Variants in ZNF771 observed in about 807,000 individuals in gnomAD.
The protein encoded by ZNF771 is zinc finger protein 771, also known as mesenchymal stem cell protein DSC43.
ZNF771 carries 10 observed loss-of-function variants against 27.6 expected under a neutral mutation model. The observed-to-expected ratio is 0.36, with a 90% CI of 0.22 to 0.61. The LOEUF is 0.61. Ranked by LOEUF, ZNF771 falls within the 20% of genes least tolerant of loss-of-function variation. The pLI is 0.70. For synonymous variants in ZNF771, 261 were observed against 225.2 expected (o/e 1.16, Z -1.43); for missense variants, 438 against 503.7 (o/e 0.87, Z 1.25).
Position 30,417,665 on chromosome 16 carries a change from G to A in ZNF771, c.252G>A (p.Thr84=). ...CCACGCTGGCGAAGCACGCGCGCAC[G>A]CACACGGGCGAACGGCCCTTCGGGT... ...RRSTLAKHAR[T]HTGERPFGCT... Residue 84 remains threonine (T), a synonymous_variant, in exon 3 of 3, where the codon ACG becomes ACA. Coordinates refer to ENST00000319296, the MANE Select transcript of ZNF771 (RefSeq NM_001142305.2). 2 of 1,379,708 alleles carry A rather than the reference G, an allele frequency of 1.4e-6. No individual in the cohort carries two copies. The highest frequency in any genetic ancestry group is 1.5e-5 in the African/African-American group (1 of 65,790). The allele number at this position is 1,379,708 out of a possible 1,614,324, so 85.5% of individuals were successfully genotyped here.
chr16:30,415,635 C>A (rs1567441562), intron 2 of ZNF771, among the ~76,000 whole-genome samples: 1 of 152,154 alleles, frequency 6.6e-6, no homozygotes, highest in Non-Finnish European at 1.5e-5. Flanking sequence ...CCTGCCTCGG[C>A]CTCCCAAAGT....
intron 2 of ZNF771, among the ~76,000 whole-genome samples, chr16:30,408,870 A>C (rs546647343): frequency 2.6e-5 from 4 of 152,266 alleles, no homozygotes; most frequent in African/African-American, 4.8e-5. Context: ...GCTGTAGTGC[A>C]GTACAGCTCA....
chr16:30,417,358 G>A (rs1350378181), intron 2 of ZNF771, among the ~76,000 whole-genome samples, 197 bp from the exon 3 acceptor site: 1 of 152,228 alleles, frequency 6.6e-6, no homozygotes, highest in Non-Finnish European at 1.5e-5. Flanking sequence ...TAGCTAGAAC[G>A]CCACTGGGCT....
chr16:30,409,715 A>G (rs1350803515), intron 2 of ZNF771, among the ~76,000 whole-genome samples: 4 of 152,108 alleles, frequency 2.6e-5, no homozygotes. Flanking sequence ...TCTAATAACT[A>G]TCTGGTTGTG....
intron 2 of ZNF771, 107 bp downstream of exon 2, chr16:30,408,301 G>C: frequency 6.6e-7 from 1 of 1,513,092 alleles, no homozygotes; most frequent in Non-Finnish European, 9.1e-7. Flanking sequence ...CCAGAATCTC[G>C]GATCTAAAAC....
At chr16:30,411,857 G>A (rs1445268730) in intron 2 of ZNF771, among the ~76,000 whole-genome samples, 2 of 152,192 alleles carry the variant, frequency 1.3e-5, no homozygotes, top group Non-Finnish European at 1.5e-5. Context: ...TGCCAGTCCT[G>A]TGGCCAGTCA....
At chr16:30,408,302 G>A in intron 2 of ZNF771, 108 bp downstream of exon 2, 11 of 1,499,240 alleles carry the variant, frequency 7.3e-6, no homozygotes, top group Non-Finnish European at 1.0e-5. Flanking sequence ...CAGAATCTCG[G>A]ATCTAAAACC....
At chr16:30,410,928 T>C (rs2050100754) in intron 2 of ZNF771, among the ~76,000 whole-genome samples, 1 of 146,420 alleles carries the variant, frequency 6.8e-6, no homozygotes, top group Admixed American at 6.9e-5. Context: ...TCCTAGCTAC[T>C]CTGGAGGCTG....
At position 30,418,024 on chromosome 16, in the gene ZNF771, C is replaced by T; in HGVS notation, c.611C>T (p.Ala204Val). Residue 204 changes from alanine (A) to valine (V), a missense_variant, in exon 3 of 3, where the codon GCT (alanine) becomes GTT (valine). Physicochemically the swap from Ala to Val is moderately conservative, Grantham distance 64 (BLOSUM62 0). Coordinates refer to ENST00000319296, the MANE Select transcript of ZNF771 (RefSeq NM_001142305.2). ...RRTHTGERPYACADCGTRFAQ... is the reference protein window; with the variant it reads ...RRTHTGERPYVCADCGTRFAQ... ...ACGCACACGGGCGAGCGGCCCTACG[C>T]TTGCGCCGACTGCGGCACGCGCTTC... 1 of 1,452,022 alleles carries T rather than the reference C, an allele frequency of 6.9e-7. No individual in the cohort carries two copies. Among genetic ancestry groups the T allele is most frequent in the Non-Finnish European group, 9.0e-7 (1 of 1,112,716 alleles). The allele number at this position is 1,452,022 out of a possible 1,614,324, so 89.9% of individuals were successfully genotyped here. A position where few individuals can be genotyped will look rare whatever the true frequency, so the allele number is the denominator to read the frequency against.
chr16:30,412,698 A>G (rs1294113321), intron 2 of ZNF771, among the ~76,000 whole-genome samples: 1 of 152,128 alleles, frequency 6.6e-6, no homozygotes, highest in Non-Finnish European at 1.5e-5. Flanking sequence ...GGGTTGAGTC[A>G]GGAGGATTGC....
chr16:30,412,321 C>T (rs1250787268), intron 2 of ZNF771, among the ~76,000 whole-genome samples: 1 of 152,086 alleles, frequency 6.6e-6, no homozygotes, highest in Non-Finnish European at 1.5e-5. Flanking sequence ...TAAAAAGTTC[C>T]CAGTGATGTT....
chr16:30,409,711 A>T (rs1314205812), intron 2 of ZNF771, among the ~76,000 whole-genome samples: 1 of 152,068 alleles, frequency 6.6e-6, no homozygotes, highest in African/African-American at 2.4e-5. Flanking sequence ...ATAGTCTAAT[A>T]ACTATCTGGT....
Position 30,419,102 on chromosome 16 carries a change from G to A in ZNF771, c.*735G>A, listed in dbSNP as rs181172645. On this transcript the variant is annotated 3_prime_UTR_variant, in exon 3 of 3. Coordinates refer to ENST00000319296, the MANE Select transcript of ZNF771 (RefSeq NM_001142305.2). The stretch of plus-strand genomic sequence containing the variant: ...AATACAAAAATTAACTGGGTGTGGT[G>A]GCGGGCGCCTGTAATCCCAGCTACT... 1 of 152,292 alleles carries A rather than the reference G, an allele frequency of 6.6e-6. No homozygotes were observed. Among genetic ancestry groups the A allele is most frequent in the African/African-American group, 2.4e-5 (1 of 41,504 alleles). 9.4% of individuals were successfully genotyped at this position (152,292 alleles called of 1,614,324 possible).
Position 30,417,771 on chromosome 16 carries a change from G to A in ZNF771, c.358G>A (p.Glu120Lys), listed in dbSNP as rs1316522385. 2 of 1,452,796 alleles carry A rather than the reference G, an allele frequency of 1.4e-6. No homozygotes were observed. Among genetic ancestry groups the A allele is most frequent in the African/African-American group, 1.5e-5 (1 of 66,460 alleles). The allele number at this position is 1,452,796 out of a possible 1,614,324, so 90.0% of individuals were successfully genotyped here. The change falls in exon 3 of 3, where the codon GAG becomes AAG. Residue 120 changes from glutamate (E) to lysine (K), a missense_variant. By Grantham distance (56) the Glu-to-Lys change is moderately conservative. Coordinates refer to ENST00000319296, the MANE Select transcript of ZNF771 (RefSeq NM_001142305.2). ...CACGCACACGGGCGAGCGGCCCTAC[G>A]AGTGCCCCGAGTGCGACAAACGCTT... The part of the protein sequence containing the change: ...GRTHTGERPY[E>K]CPECDKRFSA...
chr16:30,418,183 G>A lies in ZNF771; in HGVS notation c.770G>A (p.Arg257Gln). The A allele has an allele frequency of 6.7e-7, 1 of 1,488,532 alleles. No individual in the cohort carries two copies. Among genetic ancestry groups the A allele is most frequent in the Non-Finnish European group, 8.9e-7 (1 of 1,125,830 alleles). 92.2% of individuals were successfully genotyped at this position (1,488,532 alleles called of 1,614,324 possible). Residue 257 changes from arginine (R) to glutamine (Q), a missense_variant, in exon 3 of 3, where the codon CGG becomes CAG. Transcript: ENST00000319296. Reference protein sequence around the residue: ...AEHARTHTGERPYPCAECGRR... With the variant: ...AEHARTHTGEQPYPCAECGRR... ...CACGCGCGCACGCACACAGGCGAGC[G>A]GCCCTACCCCTGCGCCGAGTGCGGC...
At position 30,418,395 on chromosome 16, in the gene ZNF771, T is replaced by G; in HGVS notation, c.*28T>G. The G allele has an allele frequency of 7.3e-7, 1 of 1,364,406 alleles. No individual in the cohort carries two copies. The highest frequency in any genetic ancestry group is 9.4e-7 in the Non-Finnish European group (1 of 1,063,292). The allele number at this position is 1,364,406 out of a possible 1,614,324, so 84.5% of individuals were successfully genotyped here. On this transcript the variant is annotated 3_prime_UTR_variant, in exon 3 of 3. Coordinates refer to ENST00000319296, the MANE Select transcript of ZNF771 (RefSeq NM_001142305.2). ...CCCGCAGGGCTGCGGAGGGGCGCGC[T>G]GGGGCTTCGACCTGGCTGCACTAAC...
At position 30,419,288 on chromosome 16, in the gene ZNF771, G is replaced by C. The variant is rs774026345; in HGVS notation, c.*921G>C. On this transcript the variant is annotated 3_prime_UTR_variant, in exon 3 of 3. Coordinates refer to ENST00000319296, the MANE Select transcript of ZNF771 (RefSeq NM_001142305.2). ...AACCAAACCAAAAAAATCTCAAAGC[G>C]ATTGGACCTAGCAGCTCATGCCTGT... 6.6e-6 allele frequency: 1 copy of C among 152,452 alleles called. No homozygotes were observed. The highest frequency in any genetic ancestry group is 1.9e-4 in the East Asian group (1 of 5,190). The allele number at this position is 152,452 out of a possible 1,614,324, so 9.4% of individuals were successfully genotyped here.
intron 2 of ZNF771, 78 bp downstream of exon 2, chr16:30,408,272 G>A (rs769086482): frequency 6.3e-7 from 1 of 1,593,026 alleles, no homozygotes; most frequent in Non-Finnish European, 8.6e-7. Context: ...AGAAGCCAGG[G>A]ATCTTGCCCC....
In ZNF771 at chr16:30,418,665, A is replaced by G. The variant is rs2050151957; in HGVS notation, c.*298A>G. On this transcript the variant is annotated 3_prime_UTR_variant, in exon 3 of 3. Transcript: ENST00000319296. ...TTGGGGTTCTCCAGGCTCAGGTGCC[A>G]AGTGAGTTGTCAAGGAACCAAATGG... 2 of 371,304 alleles carry G rather than the reference A, an allele frequency of 5.4e-6. No homozygotes were observed. Among genetic ancestry groups the G allele is most frequent in the Non-Finnish European group, 4.8e-6 (1 of 208,794 alleles). 23.0% of individuals were successfully genotyped at this position (371,304 alleles called of 1,614,324 possible). A position where few individuals can be genotyped will look rare whatever the true frequency, so the allele number is the denominator to read the frequency against.
Sources: gnomAD v4.1 joint callset for allele counts (sites outside exome capture counted in the v4.1 genomes callset) on GRCh38, gnomAD v4.1.1 for gene constraint, MANE v1.5 for transcripts, NCBI Gene and HGNC (gene_info 2026-07-23, HGNC 2026-07-21) for gene names.